PLD1: variants seen among roughly 807,000 people sequenced by gnomAD.
The protein encoded by PLD1 is choline phosphatase 1.
Under a neutral mutation model 137.1 loss-of-function variants are expected in PLD1, and 112 were observed. The observed-to-expected ratio is 0.82, with a 90% CI of 0.70 to 0.96. PLD1 has a LOEUF of 0.96. Among genes scored for constraint, PLD1 ranks in the 40% least tolerant of loss-of-function variants. The probability of loss-of-function intolerance (pLI) is 0.00; values close to 1 mark genes in which losing one functional copy is unlikely to be tolerated. For missense variants in PLD1, 1,321 were observed against 1,342.0 expected, an observed-to-expected ratio of 0.98 and a Z score of 0.24; for synonymous variants, 431 against 454.7, an observed-to-expected ratio of 0.95 and a Z score of 0.66.
chr3:171,800,462 G>A (rs887358130), intron 1 of PLD1, among the ~76,000 whole-genome samples: 1 of 152,128 alleles, frequency 6.6e-6, no homozygotes, highest in Admixed American at 6.5e-5. Context: ...ACCCACCTTG[G>A]CCTCCCAAAG....
intron 1 of PLD1, among the ~76,000 whole-genome samples, chr3:171,763,478 AGG>A (rs1560286510): frequency 1.5e-4 from 3 of 20,312 alleles, no homozygotes; most frequent in African/African-American, 4.3e-4. Context: ...AGGGGAGGGG[AGG>A]GGAGGAGGGG....
At chr3:171,619,139 C>A (rs1205252577) in intron 24 of PLD1, among the ~76,000 whole-genome samples, 1 of 152,046 alleles carries the variant, frequency 6.6e-6, no homozygotes, top group Non-Finnish European at 1.5e-5. Context: ...AGCAGAATTC[C>A]CATTAGTAGG....
intron 1 of PLD1, among the ~76,000 whole-genome samples, chr3:171,739,505 C>G (rs528120801): frequency 1.3e-5 from 2 of 152,150 alleles, no homozygotes; most frequent in African/African-American, 4.8e-5. Flanking sequence ...TTGTGGCCTA[C>G]TATATAGCCA....
intron 1 of PLD1, chr3:171,792,874 C>A: frequency 5.7e-6 from 2 of 353,778 alleles, no homozygotes; most frequent in South Asian, 4.3e-5. Flanking sequence ...GAGCCTCACA[C>A]ACAAAGCCCT....
intron 8 of PLD1, among the ~76,000 whole-genome samples, chr3:171,716,976 T>G (rs1717728997): frequency 6.6e-6 from 1 of 152,240 alleles, no homozygotes; most frequent in Non-Finnish European, 1.5e-5. Flanking sequence ...CTTTTCCCAT[T>G]GCTTGTTTTT....
chr3:171,606,990 C>T (rs1732256309), intron 25 of PLD1, among the ~76,000 whole-genome samples: 1 of 152,194 alleles, frequency 6.6e-6, no homozygotes, highest in Non-Finnish European at 1.5e-5. Context: ...TTTTCTCCAA[C>T]ATTATCAACT....
rs114730660 is a variant in PLD1, at chr3:171,722,426, T to C, written c.758+2270A>G. Among the ~76,000 whole-genome samples the C allele has an allele frequency of 7.6e-3, 1,156 of 152,308 alleles. 6 individuals carry two copies. Among genetic ancestry groups the C allele is most frequent in the Middle Eastern group, 0.027 (8 of 294 alleles). On this transcript the variant is annotated intron_variant, in intron 8 of 26. Coordinates refer to ENST00000351298, the MANE Select transcript of PLD1 (RefSeq NM_002662.5). Reference sequence around the variant, plus strand: ...CCATCACCACTATCTAGTTCCAAAATATCTTCATTGGCCCAAAAATAAACC... The same window carrying C: ...CCATCACCACTATCTAGTTCCAAAACATCTTCATTGGCCCAAAAATAAACC...
rs760087722 is a variant in PLD1 at position 171,687,474 on chromosome 3, T to C, written c.1650A>G (p.Gly550=). The stretch of plus-strand genomic sequence containing the variant: ...TGGAGAACTTTCTTGGCTTTCCTAT[T>C]CCTTTCAGTTTTGAATCCACATCAT... The part of the protein sequence containing the change: ...SIDDVDSKLK[G]IGKPRKFSKF... Residue 550 remains glycine (G), a synonymous_variant, in exon 15 of 27, where the codon GGA becomes GGG. Coordinates refer to ENST00000351298, the MANE Select transcript of PLD1 (RefSeq NM_002662.5). The C allele has an allele frequency of 6.2e-7, 1 of 1,614,148 alleles. No homozygotes were observed. Among genetic ancestry groups the C allele is most frequent in the South Asian group, 1.1e-5 (1 of 91,080 alleles).
chr3:171,651,323 GGTGTGT>G (rs3050440), intron 21 of PLD1, among the ~76,000 whole-genome samples: 26,083 of 150,326 alleles, frequency 0.17, 2,239 homozygotes, highest in South Asian at 0.23. Flanking sequence ...TAGGGCTTAG[GGTGTGT>G]GTGTGTGTGT....
chr3:171,725,623 C>CATATTTT (rs1718444489), intron 7 of PLD1, among the ~76,000 whole-genome samples: 1 of 152,164 alleles, frequency 6.6e-6, no homozygotes, highest in Non-Finnish European at 1.5e-5. Context: ...GGCTATAAAA[C>CATATTTT]ATATTTTACA....
chr3:171,652,765 T>C (rs905086771), intron 21 of PLD1, among the ~76,000 whole-genome samples: 1 of 119,954 alleles, frequency 8.3e-6, no homozygotes, highest in African/African-American at 3.5e-5. Flanking sequence ...CACACTCAGC[T>C]ATTTTTTTTT....
Position 171,676,846 on chromosome 3 carries a change from A to G in PLD1, c.1997-13T>C, listed in dbSNP as rs758211748. 15 of 1,567,994 alleles carry G rather than the reference A, an allele frequency of 9.6e-6. No individual in the cohort carries two copies. In the South Asian group the frequency reaches 1.6e-4, roughly 16 times the overall value. ...CTGTCAATGAAATCTGCCCGGGTGC[A>G]CCAGGCAAGGATCAGTCATTAACTT... On this transcript the variant is annotated splice_polypyrimidine_tract_variant and intron_variant, in intron 17 of 26. Coordinates refer to ENST00000351298, the MANE Select transcript of PLD1 (RefSeq NM_002662.5).
chr3:171,706,154 C>CTATG (rs1481934747), intron 11 of PLD1, among the ~76,000 whole-genome samples: 32 of 152,078 alleles, frequency 2.1e-4, no homozygotes, highest in African/African-American at 7.7e-4. Context: ...ATCTATCTAT[C>CTATG]TATCTATCTA....
intron 1 of PLD1, among the ~76,000 whole-genome samples, chr3:171,799,948 G>T (rs1723579878): frequency 6.6e-6 from 1 of 152,160 alleles, no homozygotes; most frequent in Non-Finnish European, 1.5e-5. Context: ...AACCAAGGGA[G>T]CCCAAGGAGA....
chr3:171,745,936 A>G (rs1031524838), intron 1 of PLD1, among the ~76,000 whole-genome samples: 1 of 152,070 alleles, frequency 6.6e-6, no homozygotes, highest in Non-Finnish European at 1.5e-5. Flanking sequence ...CTCACAGGCC[A>G]GCGCGAGTTC....
At chr3:171,668,960 C>G (rs1261233059) in intron 19 of PLD1, among the ~76,000 whole-genome samples, 1 of 152,202 alleles carries the variant, frequency 6.6e-6, no homozygotes, top group Non-Finnish European at 1.5e-5. Flanking sequence ...GCTACCCATG[C>G]CTTTTCCTGC....
At chr3:171,623,957 A>G (rs1370500761) in intron 23 of PLD1, among the ~76,000 whole-genome samples, 1 of 151,570 alleles carries the variant, frequency 6.6e-6, no homozygotes, top group African/African-American at 2.4e-5. Context: ...GAATTCCTCT[A>G]TACTTCAAAT....
intron 1 of PLD1, among the ~76,000 whole-genome samples, chr3:171,764,879 GAAAGAAAGAAAGA>G (rs1560288438): frequency 0.014 from 346 of 24,790 alleles, 22 homozygotes; most frequent in Non-Finnish European, 0.022. Context: ...AAGAAAGAAA[GAAAGAAAGAAAGA>G]AAGGAAGGAA....
chr3:171,623,415 C>T (rs772340410), intron 23 of PLD1, among the ~76,000 whole-genome samples: 16 of 150,508 alleles, frequency 1.1e-4, no homozygotes, highest in African/African-American at 2.2e-4. Context: ...CCCGGGTTCA[C>T]GCCATTCTCC....
Sources: allele counts gnomAD v4.1 joint callset (sites outside exome capture counted in the v4.1 genomes callset), GRCh38; gene constraint gnomAD v4.1.1; transcripts MANE v1.5; gene names NCBI Gene and HGNC (gene_info 2026-07-23, HGNC 2026-07-21).